DNAJC1: variants seen among roughly 807,000 people sequenced by gnomAD.
DNAJC1 encodes DnaJ heat shock protein family (Hsp40) member C1, also known as dnaJ homolog subfamily C member 1.
Under a neutral mutation model 76.6 loss-of-function variants are expected in DNAJC1, and 58 were observed. The observed-to-expected ratio is 0.76, with a 90% CI of 0.61 to 0.94. The LOEUF (loss-of-function observed/expected upper bound fraction) is 0.94. Ranked by LOEUF, DNAJC1 falls within the 40% of genes least tolerant of loss-of-function variation. The pLI, the probability that DNAJC1 is intolerant of heterozygous loss-of-function variation, is 0.00. For synonymous variants in DNAJC1, 258 were observed against 267.9 expected (o/e 0.96, Z 0.36); for missense variants, 689 against 677.3 (o/e 1.02, Z -0.19).
intron 7 of DNAJC1, among the ~76,000 whole-genome samples, chr10:21,887,657 G>C (rs1471964954): frequency 5.9e-5 from 9 of 152,026 alleles, no homozygotes. Flanking sequence ...TATTCAATAA[G>C]TGGTGCTGGA....
At chr10:21,913,996 T>A (rs1409355353) in intron 6 of DNAJC1, among the ~76,000 whole-genome samples, 2 of 152,202 alleles carry the variant, frequency 1.3e-5, no homozygotes, top group Non-Finnish European at 2.9e-5. Context: ...TCCAGTGTTC[T>A]CTCATCTCTC....
At chr10:21,834,515 G>A (rs1348231595) in intron 8 of DNAJC1, among the ~76,000 whole-genome samples, 1 of 152,208 alleles carries the variant, frequency 6.6e-6, no homozygotes, top group Non-Finnish European at 1.5e-5. Context: ...GCCGAAGCAG[G>A]GCGAGGCATC....
intron 7 of DNAJC1, among the ~76,000 whole-genome samples, chr10:21,889,338 C>T (rs766528589): frequency 2.0e-5 from 3 of 152,094 alleles, no homozygotes; most frequent in Non-Finnish European, 4.4e-5. Flanking sequence ...CAAATCACCT[C>T]CCACCAGACC....
At chr10:21,811,376 G>A (rs1217527489) in intron 8 of DNAJC1, among the ~76,000 whole-genome samples, 2 of 152,126 alleles carry the variant, frequency 1.3e-5, no homozygotes, top group African/African-American at 4.8e-5. Context: ...CTTGCGAAAT[G>A]ACTCACCTTG....
At chr10:21,897,672 T>A (rs761244071) in intron 7 of DNAJC1, among the ~76,000 whole-genome samples, 3 of 152,212 alleles carry the variant, frequency 2.0e-5, no homozygotes, top group Admixed American at 6.5e-5. Flanking sequence ...ACCAGGTGCA[T>A]GGAAAAACTG....
At chr10:21,768,495 T>TA (rs1834328282) in intron 9 of DNAJC1, among the ~76,000 whole-genome samples, 1 of 152,212 alleles carries the variant, frequency 6.6e-6, no homozygotes, top group Non-Finnish European at 1.5e-5. Flanking sequence ...ATTTGCCTCT[T>TA]ACGGATGTTT....
chr10:21,786,641 AATTTTGGT>A (rs1458107648), intron 9 of DNAJC1, among the ~76,000 whole-genome samples: 13 of 151,800 alleles, frequency 8.6e-5, no homozygotes, highest in Non-Finnish European at 4.4e-5. Context: ...CACACCGGCT[AATTTTGGT>A]ATTTTTAGTA....
intron 8 of DNAJC1, among the ~76,000 whole-genome samples, chr10:21,859,150 T>C (rs954814925): frequency 6.6e-6 from 1 of 152,212 alleles, no homozygotes; most frequent in East Asian, 1.9e-4. Flanking sequence ...TGGCAAATTC[T>C]GGAGAATTTA....
rs567231068 is a variant in DNAJC1 at position 21,976,461 on chromosome 10, G to A, written c.222+26752C>T. On this transcript the variant is annotated intron_variant, in intron 1 of 11. Transcript: ENST00000376980. ...TCCCTACTACCCACAGGTCCTGAAA[G>A]TACCAACATCATCCCACTGTCATCT... Among the ~76,000 whole-genome samples the A allele has an allele frequency of 5.3e-5, 8 of 152,272 alleles. No homozygotes were observed. The East Asian group carries it at 1.5e-3, about 29-fold the overall frequency.
Position 22,003,292 on chromosome 10 carries a change from C to G in DNAJC1, c.143G>C (p.Trp48Ser). 3 of 1,534,578 alleles carry G rather than the reference C, an allele frequency of 2.0e-6. No individual in the cohort carries two copies. The highest frequency in any genetic ancestry group is 2.6e-6 in the Non-Finnish European group (3 of 1,142,334). The change falls in exon 1 of 12, where the codon TGG becomes TCG. Residue 48 changes from tryptophan (W) to serine (S), a missense_variant. Physicochemically the swap from Trp to Ser is radical, Grantham distance 177. Transcript: ENST00000376980. ...AAACAACTCCAGGTCTCCGCTCTCCCAGCCGCGCGCCGGCGCCACGGCGGC... is the reference window on the plus strand; with the variant it reads ...AAACAACTCCAGGTCTCCGCTCTCCGAGCCGCGCGCCGGCGCCACGGCGGC... Reference protein sequence around the residue: ...LLAAVAPARGWESGDLELFDL... With the variant: ...LLAAVAPARGSESGDLELFDL...
intron 8 of DNAJC1, among the ~76,000 whole-genome samples, chr10:21,837,121 C>T (rs1835473984): frequency 6.6e-6 from 1 of 152,148 alleles, no homozygotes; most frequent in Non-Finnish European, 1.5e-5. Flanking sequence ...CTGTGTTGGC[C>T]AGGCTGGTCT....
chr10:21,885,505 A>G (rs951588412), intron 7 of DNAJC1, among the ~76,000 whole-genome samples: 2 of 152,194 alleles, frequency 1.3e-5, no homozygotes, highest in African/African-American at 4.8e-5. Context: ...AGATCTCTAC[A>G]GAACTTTCTA....
intron 7 of DNAJC1, among the ~76,000 whole-genome samples, chr10:21,898,251 T>C (rs1411314346): frequency 1.3e-5 from 2 of 152,234 alleles, no homozygotes; most frequent in East Asian, 3.8e-4. Flanking sequence ...ACTATATTCA[T>C]AGATTTGGAA....
chr10:21,929,474 TA>T (rs1837185797), intron 1 of DNAJC1, among the ~76,000 whole-genome samples: 1 of 152,146 alleles, frequency 6.6e-6, no homozygotes, highest in Non-Finnish European at 1.5e-5. Flanking sequence ...AGAAACAAAT[TA>T]AAAATTAATA....
intron 7 of DNAJC1, among the ~76,000 whole-genome samples, chr10:21,883,082 T>C (rs900675647): frequency 4.6e-5 from 7 of 151,904 alleles, no homozygotes; most frequent in African/African-American, 1.7e-4. Context: ...AAACCCTTCT[T>C]CTACTAAAAA....
chr10:21,795,677 A>C (rs998837490), intron 9 of DNAJC1, among the ~76,000 whole-genome samples: 4 of 152,228 alleles, frequency 2.6e-5, no homozygotes, highest in African/African-American at 9.6e-5. Flanking sequence ...CTCTTAAATC[A>C]GGTATACAGT....
chr10:21,849,872 A>G (rs1251451657), intron 8 of DNAJC1, among the ~76,000 whole-genome samples: 1 of 152,150 alleles, frequency 6.6e-6, no homozygotes, highest in Non-Finnish European at 1.5e-5. Flanking sequence ...AAAACCACAC[A>G]TGATCATCTC....
intron 6 of DNAJC1, among the ~76,000 whole-genome samples, chr10:21,905,170 C>T (rs1836722147): frequency 6.6e-6 from 1 of 150,786 alleles, no homozygotes. Context: ...GGACTGAGGA[C>T]ACATACTGCA....
chr10:21,795,950 C>T (rs559128514), intron 9 of DNAJC1, among the ~76,000 whole-genome samples: 1 of 149,420 alleles, frequency 6.7e-6, no homozygotes, highest in Admixed American at 6.7e-5. Flanking sequence ...TCCATGTTGT[C>T]ACATATGGTG....
Sources: allele counts gnomAD v4.1 joint callset (sites outside exome capture counted in the v4.1 genomes callset), GRCh38; gene constraint gnomAD v4.1.1; transcripts MANE v1.5; gene names NCBI Gene and HGNC (gene_info 2026-07-23, HGNC 2026-07-21).